AMZ1: variants seen among roughly 807,000 people sequenced by gnomAD.
AMZ1 encodes the protein archaemetzincin-1.
Under a neutral mutation model 29.9 loss-of-function variants are expected in AMZ1, and 39 were observed. The ratio of observed to expected loss-of-function variants is 1.30; its 90% CI spans 1.01 to 1.70. The LOEUF (loss-of-function observed/expected upper bound fraction) is 1.70, where lower values mean the gene tolerates loss of function less well. Ranked by LOEUF, AMZ1 falls within the 40% of genes most tolerant of loss-of-function variation. AMZ1 has a pLI of 0.00. For missense variants in AMZ1, 1,041 were observed against 680.6 expected, an observed-to-expected ratio of 1.53 and a Z score of -5.89; for synonymous variants, 458 against 304.0, an observed-to-expected ratio of 1.51 and a Z score of -5.27.
intron 3 of AMZ1, among the ~76,000 whole-genome samples, chr7:2,707,081 T>C (rs1788396868): frequency 6.6e-6 from 1 of 152,138 alleles, no homozygotes; most frequent in South Asian, 2.1e-4. Context: ...GAGACCAGCT[T>C]GACTAACATG....
chr7:2,749,990 G>A (rs1415025494), intron 4 of AMZ1, among the ~76,000 whole-genome samples: 14 of 152,208 alleles, frequency 9.2e-5, no homozygotes, highest in Admixed American at 9.2e-4. Flanking sequence ...AATGTTTTTA[G>A]AAGCAGAAAA....
chr7:2,704,169 G>A (rs561437053), intron 3 of AMZ1, among the ~76,000 whole-genome samples: 3 of 152,300 alleles, frequency 2.0e-5, no homozygotes, highest in Middle Eastern at 3.4e-3. Flanking sequence ...GATTATAGGC[G>A]TGAGCCACTG....
intron 1 of AMZ1, among the ~76,000 whole-genome samples, chr7:2,688,507 C>T (rs894254643): frequency 2.6e-5 from 4 of 152,106 alleles, no homozygotes; most frequent in African/African-American, 7.2e-5. Context: ...CGCCGGGGTC[C>T]GCACAGCCCC....
At chr7:2,742,295 T>C (rs917556536) in intron 4 of AMZ1, among the ~76,000 whole-genome samples, 1 of 152,026 alleles carries the variant, frequency 6.6e-6, no homozygotes, top group African/African-American at 2.4e-5. Context: ...GGATTACAGG[T>C]GTGAGCCACC....
chr7:2,711,861 T>TG (rs1788801567), intron 6 of AMZ1, among the ~76,000 whole-genome samples: 1 of 152,144 alleles, frequency 6.6e-6, no homozygotes, highest in Admixed American at 6.5e-5. Flanking sequence ...CTGGCTAACA[T>TG]GGTGAAACCC....
intron 4 of AMZ1, among the ~76,000 whole-genome samples, chr7:2,736,107 C>G (rs1001177309): frequency 6.6e-6 from 1 of 152,218 alleles, no homozygotes; most frequent in Non-Finnish European, 1.5e-5. Flanking sequence ...GCCAGGTTTA[C>G]AATCCCATGC....
rs749276840 is a variant in AMZ1, at chr7:2,712,659, C to T, written c.1278C>T (p.Asp426=). The T allele has an allele frequency of 6.2e-7, 1 of 1,613,076 alleles. No homozygotes were observed. The highest frequency in any genetic ancestry group is 8.5e-7 in the Non-Finnish European group (1 of 1,179,910). The part of the protein sequence containing the change: ...QALQREVAEE[D]LVQVDRAVDA... Reference sequence around the variant, plus strand: ...TGCAGCGGGAAGTGGCAGAGGAGGACCTGGTGCAGGTGGACAGAGCCGTGG... The same window carrying T: ...TGCAGCGGGAAGTGGCAGAGGAGGATCTGGTGCAGGTGGACAGAGCCGTGG... The change falls in exon 7 of 7, where the codon GAC becomes GAT. Residue 426 remains aspartate, a synonymous_variant. Coordinates refer to ENST00000683327, the MANE Select transcript of AMZ1 (RefSeq NM_001384743.1).
chr7:2,741,927 A>C lies in AMZ1; in HGVS notation n.551-22785A>C, dbSNP rs371145899. On this transcript the variant is annotated intron_variant and non_coding_transcript_variant, in intron 4 of 4. Coordinates refer to the AMZ1 transcript ENST00000489665. ...ATATATACAGATACAGCATTATAAG[A>C]CCATTTCCCTCCTCTAGCACAGAAT... 2.7e-4 allele frequency among the ~76,000 whole-genome samples: 41 copies of C among 151,620 alleles called. No individual in the cohort carries two copies. In the East Asian group the frequency reaches 3.1e-3, roughly 11 times the overall value.
intron 1 of AMZ1, among the ~76,000 whole-genome samples, chr7:2,680,741 G>C (rs893600101): frequency 6.6e-6 from 1 of 152,250 alleles, no homozygotes; most frequent in Non-Finnish European, 1.5e-5. Flanking sequence ...CCCCTCACGT[G>C]CCTCACAGGC....
intron 4 of AMZ1, among the ~76,000 whole-genome samples, chr7:2,747,144 G>A (rs1156657708): frequency 6.6e-6 from 1 of 152,024 alleles, no homozygotes; most frequent in Non-Finnish European, 1.5e-5. Context: ...AATAGAAAAA[G>A]AGGGAATCCT....
At position 2,702,864 on chromosome 7, in the gene AMZ1, C is replaced by T; in HGVS notation, c.447C>T (p.Asp149=). The change falls in exon 3 of 7, where the codon GAC becomes GAT. Residue 149 remains aspartate (D), a synonymous_variant. Coordinates refer to ENST00000683327, the MANE Select transcript of AMZ1 (RefSeq NM_001384743.1). Reference sequence around the variant, plus strand: ...GCTGCTCCTCGCGGCCCAGCCGGGACTCTGACAGGCTCCAGCTCCACACAG... The same window carrying T: ...GCTGCTCCTCGCGGCCCAGCCGGGATTCTGACAGGCTCCAGCTCCACACAG... ...SIRCSSRPSR[D]SDRLQLHTDG... is the part of the protein sequence containing the mutation. 1 of 1,587,910 alleles carries T rather than the reference C, an allele frequency of 6.3e-7. No individual in the cohort carries two copies. The highest frequency in any genetic ancestry group is 8.5e-7 in the Non-Finnish European group (1 of 1,173,250).
upstream of AMZ1, among the ~76,000 whole-genome samples, chr7:2,686,962 C>T (rs568060190): frequency 7.9e-5 from 12 of 151,650 alleles, no homozygotes; most frequent in African/African-American, 2.9e-4. Context: ...ATCTGTCTGC[C>T]TCAGCCTCCC....
At chr7:2,763,482 C>T (rs1791672673), upstream of AMZ1, among the ~76,000 whole-genome samples, 2 of 152,226 alleles carry the variant, frequency 1.3e-5, no homozygotes, top group Non-Finnish European at 2.9e-5. Flanking sequence ...CCCTCAACCC[C>T]GGCAGCAGTG....
At chr7:2,685,576 C>T (rs1264986713), upstream of AMZ1, among the ~76,000 whole-genome samples, 2 of 144,136 alleles carry the variant, frequency 1.4e-5, no homozygotes, top group Non-Finnish European at 3.0e-5. Flanking sequence ...AAAAAAAGGC[C>T]GGGTGCGGTG....
At chr7:2,728,520 C>T (rs1235543497) in intron 4 of AMZ1, 2 of 152,336 alleles carry the variant, frequency 1.3e-5, no homozygotes, top group East Asian at 1.9e-4. Flanking sequence ...ACCCTATATG[C>T]GTCTTATGTG....
chr7:2,738,002 C>T (rs1305547104), intron 4 of AMZ1, among the ~76,000 whole-genome samples: 3 of 152,020 alleles, frequency 2.0e-5, no homozygotes, highest in African/African-American at 7.3e-5. Flanking sequence ...TAAATGATAC[C>T]ACAGCTGTGA....
upstream of AMZ1, among the ~76,000 whole-genome samples, chr7:2,686,055 G>A (rs1435127097): frequency 7.2e-5 from 11 of 152,086 alleles, no homozygotes; most frequent in East Asian, 1.9e-4. Context: ...AAACAAGATC[G>A]TCTATCACAG....
chr7:2,755,746 T>C (rs535253138), intron 4 of AMZ1, among the ~76,000 whole-genome samples: 59 of 152,344 alleles, frequency 3.9e-4, no homozygotes, highest in Admixed American at 3.9e-4. Context: ...CCTTACTGCA[T>C]TGGCTAAAAC....
rs1042505777 is a variant in AMZ1, at chr7:2,717,327, T to C, written c.*4449T>C. Among the ~76,000 whole-genome samples the C allele has an allele frequency of 6.6e-6, 1 of 152,232 alleles. No individual in the cohort carries two copies. The highest frequency in any genetic ancestry group is 1.5e-5 in the Non-Finnish European group (1 of 68,048). ...ACGGGGCTCATAGACCTGAACTGGG[T>C]CTGCCTGCCTGTGTGCTGGAAGCAA... is the stretch of plus-strand genomic sequence containing the variant. On this transcript the variant is annotated 3_prime_UTR_variant, in exon 7 of 7. Coordinates refer to ENST00000683327, the MANE Select transcript of AMZ1 (RefSeq NM_001384743.1).
Sources: gnomAD v4.1 joint callset for allele counts (sites outside exome capture counted in the v4.1 genomes callset) on GRCh38, gnomAD v4.1.1 for gene constraint, MANE v1.5 for transcripts, NCBI Gene and HGNC (gene_info 2026-07-23, HGNC 2026-07-21) for gene names.